Variants in APP observed in about 807,000 individuals in gnomAD.
The protein encoded by APP is amyloid beta precursor protein.
Under a neutral mutation model 101.4 loss-of-function variants are expected in APP, and 31 were observed. The observed-to-expected ratio is 0.31, with a 90% CI of 0.23 to 0.41. The LOEUF is 0.41. Among genes scored for constraint, APP ranks in the 10% least tolerant of loss-of-function variants. The probability of loss-of-function intolerance (pLI) is 1.00; values close to 1 mark genes in which losing one functional copy is unlikely to be tolerated. For missense variants in APP, 839 were observed against 1,003.7 expected, an observed-to-expected ratio of 0.84 and a Z score of 2.22; for synonymous variants, 366 against 364.4, an observed-to-expected ratio of 1.00 and a Z score of -0.05.
intron 15 of APP, among the ~76,000 whole-genome samples, chr21:25,901,791 G>T (rs992363154): frequency 1.3e-5 from 2 of 151,130 alleles, no homozygotes; most frequent in Non-Finnish European, 2.9e-5. Context: ...TTCATGTGGG[G>T]GCTAAGGGAG....
At chr21:26,061,146 G>A (rs574231576) in intron 3 of APP, among the ~76,000 whole-genome samples, 2 of 152,280 alleles carry the variant, frequency 1.3e-5, no homozygotes, top group South Asian at 4.2e-4. Flanking sequence ...TCTGGATGTC[G>A]TCTGAAGGTC....
chr21:25,973,943 T>TAA (rs369334912), intron 11 of APP, among the ~76,000 whole-genome samples: 2,010 of 111,076 alleles, frequency 0.018, 76 homozygotes, highest in African/African-American at 0.07. Context: ...CCATCTCATT[T>TAA]AAAAAAAAAA....
chr21:25,943,531 C>T (rs1046570224), intron 13 of APP, among the ~76,000 whole-genome samples: 37 of 151,768 alleles, frequency 2.4e-4, no homozygotes, highest in African/African-American at 7.5e-4. Flanking sequence ...CAGCTCACTA[C>T]AGCCTCTGCC....
chr21:25,959,382 G>C (rs1179831470), intron 11 of APP, among the ~76,000 whole-genome samples: 1 of 152,214 alleles, frequency 6.6e-6, no homozygotes, highest in Non-Finnish European at 1.5e-5. Flanking sequence ...GCAGTGACCT[G>C]AGATTCCACC....
At chr21:26,062,214 A>C (rs2046292817) in intron 3 of APP, among the ~76,000 whole-genome samples, 3 of 120,388 alleles carry the variant, frequency 2.5e-5, no homozygotes, top group South Asian at 5.4e-4. Flanking sequence ...TGTCTCAAAA[A>C]ACAAACAAAC....
intron 9 of APP, 61 bp downstream of exon 9, chr21:25,982,283 G>A: frequency 7.0e-6 from 11 of 1,571,512 alleles, no homozygotes; most frequent in Non-Finnish European, 9.6e-6. Flanking sequence ...GGAGACTGAG[G>A]CAGAGGCAAG....
intron 2 of APP, among the ~76,000 whole-genome samples, chr21:26,110,171 G>A (rs546462607): frequency 1.3e-5 from 2 of 152,156 alleles, no homozygotes; most frequent in Non-Finnish European, 1.5e-5. Context: ...TGGACCATAC[G>A]TGGTAGCTCA....
intron 5 of APP, among the ~76,000 whole-genome samples, chr21:26,035,050 C>G (rs145600763): frequency 6.6e-6 from 1 of 152,082 alleles, no homozygotes; most frequent in African/African-American, 2.4e-5. Context: ...CTCTGGGAGA[C>G]GGAGGTGGGA....
intron 1 of APP, among the ~76,000 whole-genome samples, chr21:26,164,082 T>TA (rs2063556072): frequency 6.6e-6 from 1 of 151,688 alleles, no homozygotes; most frequent in Non-Finnish European, 1.5e-5. Context: ...CCGTCTCTAC[T>TA]AAAAATATAA....
At chr21:26,117,570 G>C (rs956803215) in intron 1 of APP, among the ~76,000 whole-genome samples, 35 of 152,202 alleles carry the variant, frequency 2.3e-4, no homozygotes, top group African/African-American at 8.0e-4. Context: ...GGGTTATAGG[G>C]ACAGAGAAGG....
chr21:26,090,172 C>A, intron 2 of APP, 100 bp from the exon 3 acceptor site: 1 of 1,555,924 alleles, frequency 6.4e-7, no homozygotes, highest in Non-Finnish European at 8.7e-7. Context: ...GTGGAGTGTC[C>A]CTTATCCAAA....
At chr21:25,892,314 C>T (rs555029202) in intron 16 of APP, among the ~76,000 whole-genome samples, 1 of 152,302 alleles carries the variant, frequency 6.6e-6, no homozygotes, top group African/African-American at 2.4e-5. Context: ...TCATAGCACT[C>T]TGAGCCCTGA....
intron 15 of APP, among the ~76,000 whole-genome samples, chr21:25,901,016 C>T (rs1469084927): frequency 1.6e-5 from 2 of 122,644 alleles, no homozygotes; most frequent in East Asian, 2.7e-4. Context: ...AATGAGCTCT[C>T]GGCCAGGTGC....
chr21:25,952,187 T>C (rs887585857), intron 13 of APP, among the ~76,000 whole-genome samples: 24 of 111,200 alleles, frequency 2.2e-4, no homozygotes, highest in African/African-American at 6.4e-4. Flanking sequence ...GCATATTACA[T>C]ACATACACAC....
chr21:26,139,247 G>C (rs1386683304), intron 1 of APP, among the ~76,000 whole-genome samples: 1 of 152,152 alleles, frequency 6.6e-6, no homozygotes, highest in Non-Finnish European at 1.5e-5. Flanking sequence ...AAGAATCAAG[G>C]TCCCCAGACC....
At chr21:25,986,527 C>T (rs1439566296) in intron 8 of APP, among the ~76,000 whole-genome samples, 2 of 151,958 alleles carry the variant, frequency 1.3e-5, no homozygotes, top group Admixed American at 1.3e-4. Flanking sequence ...CCCGTCTCTA[C>T]TAAAATAAAA....
intron 7 of APP, among the ~76,000 whole-genome samples, chr21:25,997,981 G>C (rs998146763): frequency 6.6e-6 from 1 of 152,176 alleles, no homozygotes; most frequent in Non-Finnish European, 1.5e-5. Context: ...AGGACACCTG[G>C]ACAGGTGCCC....
At chr21:26,050,490 TAAA>T (rs1568910791) in intron 5 of APP, among the ~76,000 whole-genome samples, 1 of 151,448 alleles carries the variant, frequency 6.6e-6, no homozygotes, top group Non-Finnish European at 1.5e-5. Flanking sequence ...CAAAGGTAGT[TAAA>T]AAAAATTAAC....
chr21:26,159,717 T>C (rs1172514299), intron 1 of APP, among the ~76,000 whole-genome samples: 1 of 152,218 alleles, frequency 6.6e-6, no homozygotes, highest in African/African-American at 2.4e-5. Context: ...AAGACACTAA[T>C]ATTTTTTTCT....
Sources: gnomAD v4.1 joint callset for allele counts (sites outside exome capture counted in the v4.1 genomes callset) on GRCh38, gnomAD v4.1.1 for gene constraint, MANE v1.5 for transcripts, NCBI Gene and HGNC (gene_info 2026-07-23, HGNC 2026-07-21) for gene names.